Variants in NAPEPLD observed in about 807,000 individuals in gnomAD.
NAPEPLD encodes N-acyl-phosphatidylethanolamine-hydrolyzing phospholipase D.
In NAPEPLD, 23 loss-of-function variants were observed where a neutral mutation model predicts 38.1. That is an observed-to-expected ratio of 0.60 (90% CI 0.43 to 0.86). The LOEUF (loss-of-function observed/expected upper bound fraction) is 0.86, where lower values mean the gene tolerates loss of function less well. Ranked by LOEUF, NAPEPLD falls within the 40% of genes least tolerant of loss-of-function variation. The pLI is 0.00. For missense variants in NAPEPLD, 411 were observed against 476.8 expected (o/e 0.86, Z 1.28); for synonymous variants, 147 against 162.0 (o/e 0.91, Z 0.71).
intron 1 of NAPEPLD, among the ~76,000 whole-genome samples, chr7:103,143,070 A>C (rs928937347): frequency 1.4e-4 from 5 of 36,690 alleles, no homozygotes; most frequent in African/African-American, 1.8e-4. Flanking sequence ...CAAAAAAAAA[A>C]ACAAAAAAAC....
intron 1 of NAPEPLD, among the ~76,000 whole-genome samples, chr7:103,131,079 A>G (rs1186777123): frequency 3.3e-5 from 5 of 152,150 alleles, no homozygotes; most frequent in East Asian, 3.8e-4. Context: ...CAAAAAGACA[A>G]TATGTCCAAC....
At chr7:103,134,337 T>C (rs897554613) in intron 1 of NAPEPLD, among the ~76,000 whole-genome samples, 10 of 152,196 alleles carry the variant, frequency 6.6e-5, no homozygotes, top group Admixed American at 1.3e-4. Context: ...CCTGTGACAA[T>C]TGTATTTTAA....
At chr7:103,105,351 C>T (rs1315379863) in intron 4 of NAPEPLD, among the ~76,000 whole-genome samples, 1 of 152,034 alleles carries the variant, frequency 6.6e-6, no homozygotes, top group African/African-American at 2.4e-5. Context: ...TCGTAAATTC[C>T]TAAAGGGGTC....
At chr7:103,139,970 T>C (rs1012934407) in intron 1 of NAPEPLD, among the ~76,000 whole-genome samples, 5 of 152,214 alleles carry the variant, frequency 3.3e-5, no homozygotes, top group Non-Finnish European at 7.3e-5. Context: ...AGAAAGTTTG[T>C]AGCAAATTAT....
chr7:103,122,683 T>C (rs145371397), intron 2 of NAPEPLD, among the ~76,000 whole-genome samples: 1 of 152,298 alleles, frequency 6.6e-6, no homozygotes, highest in Non-Finnish European at 1.5e-5. Context: ...ACTCTACAAG[T>C]AGTCCAAAAG....
chr7:103,113,572 CT>C (rs5886246), intron 4 of NAPEPLD, among the ~76,000 whole-genome samples: 120,979 of 138,242 alleles, frequency 0.88, 55,241 homozygotes, highest in East Asian at 1. Flanking sequence ...CCTAACCACA[CT>C]TTTTTTTTTT....
At position 103,103,524 on chromosome 7, in the gene NAPEPLD, C is replaced by T; in HGVS notation, c.1087G>A (p.Glu363Lys). 6.3e-7 allele frequency: 1 copy of T among 1,593,458 alleles called. No individual in the cohort carries two copies. The highest frequency in any genetic ancestry group is 8.5e-7 in the Non-Finnish European group (1 of 1,174,662). The change falls in exon 5 of 5, where the codon GAA becomes AAA. Residue 363 changes from glutamate (E) to lysine (K), a missense_variant. Physicochemically the swap from Glu to Lys is moderately conservative, Grantham distance 56. Coordinates refer to ENST00000465647, the MANE Select transcript of NAPEPLD (RefSeq NM_001122838.3). The part of the protein sequence containing the change: ...HYLEPPVKLN[E>K]ALERYGLNAE... ...TTAAGTCCGTATCTCTCTAGAGCTT[C>T]ATTCAGCTTCACTGGAGGCTCTAAG...
intron 1 of NAPEPLD, among the ~76,000 whole-genome samples, chr7:103,139,703 G>A (rs1012385590): frequency 2.0e-5 from 3 of 152,152 alleles, no homozygotes; most frequent in East Asian, 1.9e-4. Context: ...TATTCTGCCC[G>A]CAGTGTCATG....
At chr7:103,108,134 C>CTTT (rs56793237) in intron 4 of NAPEPLD, among the ~76,000 whole-genome samples, 27 of 117,538 alleles carry the variant, frequency 2.3e-4, no homozygotes, top group African/African-American at 8.6e-4. Context: ...ATTCAACATT[C>CTTT]TTTTTTTTTT....
rs1292868864 is a variant in NAPEPLD at position 103,101,998 on chromosome 7, CT to C, written c.*1430del. The C allele has an allele frequency of 4.7e-5, 1 of 21,342 alleles. No individual in the cohort carries two copies. Among genetic ancestry groups the C allele is most frequent in the Non-Finnish European group, 2.5e-3 (1 of 398 alleles). 1.3% of individuals were successfully genotyped at this position (21,342 alleles called of 1,614,324 possible). A position where few individuals can be genotyped will look rare whatever the true frequency, so the allele number is the denominator to read the frequency against. On this transcript the variant is annotated 3_prime_UTR_variant, in exon 5 of 5. Coordinates refer to ENST00000465647, the MANE Select transcript of NAPEPLD (RefSeq NM_001122838.3). ...TAGGACTAAATCTTATGTCAACTGACTCCCCCCCCGCCCCCCAACCACTGGC... is the reference window on the plus strand; with the variant it reads ...TAGGACTAAATCTTATGTCAACTGACCCCCCCCCGCCCCCCAACCACTGGC...
intron 1 of NAPEPLD, chr7:103,141,718 C>T (rs1811417710): frequency 1.2e-6 from 1 of 867,612 alleles, no homozygotes. Context: ...TGCCCATATG[C>T]CTGCCCTTCC....
rs554643372 is a variant in NAPEPLD at position 103,108,302 on chromosome 7, C to G, written c.1057-4748G>C. Among the ~76,000 whole-genome samples, 148 of 152,234 alleles carry G rather than the reference C, an allele frequency of 9.7e-4. 2 individuals carry two copies. In the South Asian group the frequency reaches 0.029, roughly 30 times the overall value. Reference sequence around the variant, plus strand: ...GGATCACAGGCGTGCGCCACAACACCCAGTTAATTTTTGCATTTTTAGTAG... The same window carrying G: ...GGATCACAGGCGTGCGCCACAACACGCAGTTAATTTTTGCATTTTTAGTAG... On this transcript the variant is annotated intron_variant, in intron 4 of 4. Transcript: ENST00000465647.
intron 4 of NAPEPLD, among the ~76,000 whole-genome samples, chr7:103,108,446 T>A (rs2129526968): frequency 6.6e-6 from 1 of 152,304 alleles, no homozygotes; most frequent in African/African-American, 2.4e-5. Flanking sequence ...CAGCTCAACA[T>A]TCTTAAAAGA....
chr7:103,140,454 G>A (rs527903647), intron 1 of NAPEPLD, among the ~76,000 whole-genome samples: 102 of 143,618 alleles, frequency 7.1e-4, no homozygotes, highest in African/African-American at 2.3e-3. Context: ...GTGCAGTGGC[G>A]TGATCTCGGC....
intron 1 of NAPEPLD, among the ~76,000 whole-genome samples, chr7:103,136,196 G>A (rs1049705734): frequency 3.3e-5 from 5 of 151,954 alleles, no homozygotes; most frequent in African/African-American, 7.2e-5. Context: ...AAACCCAGGC[G>A]GTGGACGTTG....
chr7:103,135,603 G>A (rs1809862539), intron 1 of NAPEPLD, among the ~76,000 whole-genome samples: 1 of 152,090 alleles, frequency 6.6e-6, no homozygotes, highest in African/African-American at 2.4e-5. Context: ...AACCAGTTTT[G>A]CTAAGAAGCT....
chr7:103,123,636 C>T (rs1807158190), intron 2 of NAPEPLD, among the ~76,000 whole-genome samples: 1 of 152,222 alleles, frequency 6.6e-6, no homozygotes, highest in Admixed American at 6.5e-5. Context: ...GTACTAACTG[C>T]TACTGGCTAC....
At chr7:103,149,416 C>A, upstream of NAPEPLD, 1 of 1,233,814 alleles carries the variant, frequency 8.1e-7, no homozygotes, top group Non-Finnish European at 1.0e-6. Context: ...CCCGAGCCCG[C>A]CGCGCTGGCT....
intron 1 of NAPEPLD, among the ~76,000 whole-genome samples, 166 bp downstream of exon 1, chr7:103,148,640 CTTCAT>C (rs1813100904): frequency 6.7e-6 from 1 of 150,008 alleles, no homozygotes; most frequent in African/African-American, 2.4e-5. Context: ...TTTTTTTGCT[CTTCAT>C]TTCCATTCCA....
Sources: allele counts gnomAD v4.1 joint callset (sites outside exome capture counted in the v4.1 genomes callset), GRCh38; gene constraint gnomAD v4.1.1; transcripts MANE v1.5; gene names NCBI Gene and HGNC (gene_info 2026-07-23, HGNC 2026-07-21).